Variants in OR2L13 observed in about 807,000 individuals in gnomAD.
OR2L13 encodes the protein olfactory receptor 2L13.
In OR2L13, 14 loss-of-function variants were observed where a neutral mutation model predicts 15.3. That is an observed-to-expected ratio of 0.91 (90% confidence interval 0.60 to 1.43). The LOEUF is 1.43. Ranked by LOEUF, OR2L13 falls within the 40% of genes most tolerant of loss-of-function variation. OR2L13 has a pLI of 0.00. For synonymous variants in OR2L13, 152 were observed against 142.9 expected (o/e 1.06, Z -0.45); for missense variants, 367 against 387.9 (o/e 0.95, Z 0.45).
At chr1:247,957,778 C>T in the OR2L13 span, among the ~76,000 whole-genome samples, 834 of 152,202 alleles carry the variant, frequency 5.5e-3, 8 homozygotes, top group African/African-American at 0.019. Flanking sequence ...TCTGTGGGAT[C>T]GGTGGTGATA....
At chr1:248,013,609 A>G in the OR2L13 span, 1 of 152,138 alleles carries the variant, frequency 6.6e-6, no homozygotes, top group Non-Finnish European at 1.5e-5. Flanking sequence ...ATGATCAATG[A>G]ATGTATACAT....
chr1:248,052,827 A>C, the OR2L13 span, among the ~76,000 whole-genome samples: 2 of 152,118 alleles, frequency 1.3e-5, no homozygotes, highest in African/African-American at 4.8e-5. Context: ...TTTAAGATTC[A>C]TATAAATTTT....
chr1:247,994,250 A>C, the OR2L13 span, among the ~76,000 whole-genome samples: 1 of 152,104 alleles, frequency 6.6e-6, no homozygotes, highest in African/African-American at 2.4e-5. Flanking sequence ...ACAAAAAATT[A>C]GCCGGGCGTG....
the OR2L13 span, chr1:248,061,671 G>C: frequency 2.8e-6 from 4 of 1,444,682 alleles, no homozygotes; most frequent in Non-Finnish European, 3.7e-6. Context: ...CCATCCAGCA[G>C]TGTATAGTAA....
exon 3 of OR2L13, chr1:248,099,484 G>T (rs1269949391): frequency 1.2e-6 from 2 of 1,613,556 alleles, no homozygotes; most frequent in Non-Finnish European, 1.7e-6. Flanking sequence ...ATTCTTTCTG[G>T]CCTCGGTGGG....
chr1:247,974,781 T>C, the OR2L13 span: 2 of 233,688 alleles, frequency 8.6e-6, no homozygotes, highest in South Asian at 1.7e-4. Flanking sequence ...TTTCATCTTA[T>C]TGGGGATCTT....
At chr1:248,008,600 A>G in the OR2L13 span, among the ~76,000 whole-genome samples, 1 of 152,106 alleles carries the variant, frequency 6.6e-6, no homozygotes. Flanking sequence ...AGACTTTAAC[A>G]CCCCACTGTC....
At chr1:248,016,628 A>G in the OR2L13 span, among the ~76,000 whole-genome samples, 6 of 152,116 alleles carry the variant, frequency 3.9e-5, no homozygotes, top group African/African-American at 1.4e-4. Context: ...GTAATTAAAA[A>G]GTGAGTCAGC....
At chr1:248,002,854 C>CAAA in the OR2L13 span, among the ~76,000 whole-genome samples, 1,422 of 123,894 alleles carry the variant, frequency 0.011, 31 homozygotes, top group African/African-American at 0.038. Flanking sequence ...GACTCCAGCT[C>CAAA]AAAAAAAAAA....
the OR2L13 span, among the ~76,000 whole-genome samples, chr1:248,014,560 TG>T: frequency 2.6e-5 from 4 of 152,252 alleles, no homozygotes; most frequent in African/African-American, 9.6e-5. Context: ...GCAGTGGTTT[TG>T]TAAGAAGGAA....
At chr1:248,079,441 GA>G in the OR2L13 span, among the ~76,000 whole-genome samples, 1 of 151,976 alleles carries the variant, frequency 6.6e-6, no homozygotes, top group Non-Finnish European at 1.5e-5. Context: ...GTGTGAAATT[GA>G]AAGCAGAGTC....
At chr1:247,959,385 T>G in the OR2L13 span, among the ~76,000 whole-genome samples, 7 of 152,362 alleles carry the variant, frequency 4.6e-5, no homozygotes, top group Admixed American at 6.5e-5. Context: ...ATTTTTTCCT[T>G]CATTTATACT....
At chr1:247,965,862 T>C in the OR2L13 span, 34 of 1,613,878 alleles carry the variant, frequency 2.1e-5, no homozygotes, top group Admixed American at 3.7e-4. Flanking sequence ...ATACATTGTA[T>C]GTGTTTCAGC....
chr1:248,038,269 T>A, the OR2L13 span: 45 of 1,599,086 alleles, frequency 2.8e-5, no homozygotes, highest in Non-Finnish European at 3.6e-5. Context: ...GAATTCCCCA[T>A]GGAAAATTAC....
chr1:248,011,717 G>C, the OR2L13 span, among the ~76,000 whole-genome samples: 1 of 152,006 alleles, frequency 6.6e-6, no homozygotes, highest in South Asian at 2.1e-4. Flanking sequence ...TTAACCATTA[G>C]CTATCAAGAC....
At chr1:248,052,922 CTTT>C in the OR2L13 span, among the ~76,000 whole-genome samples, 3 of 151,542 alleles carry the variant, frequency 2.0e-5, no homozygotes, top group Admixed American at 6.6e-5. Context: ...GCTTTGTACA[CTTT>C]TTATTTTTAT....
the OR2L13 span, among the ~76,000 whole-genome samples, chr1:248,086,035 T>C: frequency 6.6e-6 from 1 of 152,130 alleles, no homozygotes; most frequent in African/African-American, 2.4e-5. Flanking sequence ...TAAAAAAAAA[T>C]TACATGAGTT....
chr1:248,034,447 G>A, the OR2L13 span, among the ~76,000 whole-genome samples: 8 of 151,950 alleles, frequency 5.3e-5, no homozygotes, highest in African/African-American at 1.5e-4. Context: ...CAGATTTTTC[G>A]ACTATTTAAG....
At chr1:248,055,156 C>T in the OR2L13 span, among the ~76,000 whole-genome samples, 3 of 151,940 alleles carry the variant, frequency 2.0e-5, no homozygotes, top group Non-Finnish European at 4.4e-5. Flanking sequence ...GAAGGGAAGT[C>T]GAATTTTTTT....
Sources: gnomAD v4.1 joint callset for allele counts (sites outside exome capture counted in the v4.1 genomes callset) on GRCh38, gnomAD v4.1.1 for gene constraint, MANE v1.5 for transcripts, NCBI Gene and HGNC (gene_info 2026-07-23, HGNC 2026-07-21) for gene names.